The following BRD10 variants were observed in gnomAD, a reference collection of about 807,000 sequenced individuals.
BRD10 encodes uncharacterized bromodomain-containing protein 10.
chr9:5,995,489 A>G, the BRD10 span, among the ~76,000 whole-genome samples: 3 of 152,182 alleles, frequency 2.0e-5, no homozygotes, highest in African/African-American at 7.2e-5. Context: ...TAGCTGCTTT[A>G]GCATATAAAC....
the BRD10 span, chr9:5,909,856 A>G: frequency 2.0e-5 from 3 of 152,168 alleles, no homozygotes; most frequent in Non-Finnish European, 4.4e-5. Context: ...CAACATTGCA[A>G]TTTGTTTTCC....
chr9:5,922,829 G>C, the BRD10 span: 2 of 1,613,860 alleles, frequency 1.2e-6, no homozygotes, highest in Non-Finnish European at 1.7e-6. Flanking sequence ...TTTTGTATTG[G>C]TGTGGCAGGT....
chr9:6,005,815 A>G, the BRD10 span, among the ~76,000 whole-genome samples: 1 of 152,246 alleles, frequency 6.6e-6, no homozygotes, highest in Non-Finnish European at 1.5e-5. Flanking sequence ...CAAAATTACT[A>G]AAGTATTAAA....
the BRD10 span, chr9:5,909,617 C>T: frequency 2.0e-5 from 3 of 152,196 alleles, no homozygotes; most frequent in African/African-American, 7.2e-5. Context: ...CTTCAAGGCT[C>T]AATGCTATTC....
chr9:5,922,639 T>C, the BRD10 span: 2 of 1,613,996 alleles, frequency 1.2e-6, no homozygotes, highest in East Asian at 2.2e-5. Context: ...CTTTTGCAAC[T>C]GCTTTTCCTT....
chr9:5,884,579 T>A, the BRD10 span, among the ~76,000 whole-genome samples: 1 of 152,202 alleles, frequency 6.6e-6, no homozygotes, highest in South Asian at 2.1e-4. Flanking sequence ...ATCTCATGCC[T>A]ATGAAGGTGA....
the BRD10 span, among the ~76,000 whole-genome samples, chr9:5,935,817 G>A: frequency 2.0e-5 from 3 of 152,082 alleles, no homozygotes; most frequent in African/African-American, 4.8e-5. Flanking sequence ...GACAGAAAAG[G>A]CCCACTTTAA....
chr9:5,919,924 G>A, the BRD10 span: 4 of 1,613,980 alleles, frequency 2.5e-6, no homozygotes, highest in Middle Eastern at 1.6e-4. Flanking sequence ...GATTACTGGG[G>A]CAAATGGCAG....
At chr9:5,952,742 G>A in the BRD10 span, among the ~76,000 whole-genome samples, 1 of 152,148 alleles carries the variant, frequency 6.6e-6, no homozygotes, top group East Asian at 1.9e-4. Flanking sequence ...GATGCTTTGA[G>A]GACTGAGAAA....
chr9:5,950,235 T>C, the BRD10 span, among the ~76,000 whole-genome samples: 1 of 152,024 alleles, frequency 6.6e-6, no homozygotes, highest in Non-Finnish European at 1.5e-5. Flanking sequence ...GTGCTAAGGG[T>C]CAATAATAGA....
the BRD10 span, chr9:5,953,873 G>A: frequency 1.6e-6 from 1 of 623,532 alleles, no homozygotes. Context: ...ATCTGCACTT[G>A]CAGGGAGAAA....
chr9:5,962,088 T>C, the BRD10 span, among the ~76,000 whole-genome samples: 1 of 152,194 alleles, frequency 6.6e-6, no homozygotes, highest in Non-Finnish European at 1.5e-5. Context: ...CAATTTTGGA[T>C]CTTTCCTGCT....
chr9:5,952,966 A>C, the BRD10 span, among the ~76,000 whole-genome samples: 7 of 152,208 alleles, frequency 4.6e-5, no homozygotes, highest in Non-Finnish European at 1.0e-4. Flanking sequence ...TAAGAATATC[A>C]TTAAAAATAT....
At chr9:5,993,312 T>TAAAAAAAAAAAA in the BRD10 span, among the ~76,000 whole-genome samples, 1 of 116,674 alleles carries the variant, frequency 8.6e-6, no homozygotes, top group South Asian at 2.8e-4. Flanking sequence ...GAGACTCCAT[T>TAAAAAAAAAAAA]AAAAAAAAAA....
chr9:6,007,484 G>C, the BRD10 span: 1 of 1,612,012 alleles, frequency 6.2e-7, no homozygotes, highest in South Asian at 1.1e-5. Context: ...AAGGGCTGCA[G>C]AAAGGGGGCG....
chr9:5,911,272 T>A, the BRD10 span, among the ~76,000 whole-genome samples: 2 of 152,206 alleles, frequency 1.3e-5, no homozygotes, highest in African/African-American at 4.8e-5. Flanking sequence ...GGTATCTAGT[T>A]TTTCCAGCAC....
the BRD10 span, among the ~76,000 whole-genome samples, chr9:5,929,718 TC>T: frequency 1.2e-4 from 18 of 152,284 alleles, no homozygotes; most frequent in Admixed American, 1.0e-3. Flanking sequence ...ATTACTGATG[TC>T]CTCTCAATTT....
the BRD10 span, among the ~76,000 whole-genome samples, chr9:5,895,298 A>G: frequency 2.7e-3 from 417 of 152,254 alleles, 3 homozygotes; most frequent in African/African-American, 9.6e-3. Context: ...CCAATGTCAA[A>G]AGTCATTCCT....
chr9:5,983,044 A>G, the BRD10 span, among the ~76,000 whole-genome samples: 1 of 152,200 alleles, frequency 6.6e-6, no homozygotes, highest in Non-Finnish European at 1.5e-5. Flanking sequence ...GAACCTGCTG[A>G]CACGGAGAGC....
Sources: gnomAD v4.1 joint callset for allele counts (sites outside exome capture counted in the v4.1 genomes callset) on GRCh38, gnomAD v4.1.1 for gene constraint, MANE v1.5 for transcripts, NCBI Gene and HGNC (gene_info 2026-07-23, HGNC 2026-07-21) for gene names.